PTPRM: variants seen among roughly 807,000 people sequenced by gnomAD.
The protein encoded by PTPRM is receptor-type tyrosine-protein phosphatase mu.
PTPRM carries 47 observed loss-of-function variants against 186.7 expected under a neutral mutation model. That is an observed-to-expected ratio of 0.25 (90% CI 0.20 to 0.32). The LOEUF is 0.32. Ranked by LOEUF, PTPRM falls within the 10% of genes least tolerant of loss-of-function variation. The pLI is 1.00. For missense variants in PTPRM, 1,494 were observed against 1,865.0 expected (o/e 0.80, Z 3.66); for synonymous variants, 668 against 674.9 (o/e 0.99, Z 0.16).
intron 23 of PTPRM, among the ~76,000 whole-genome samples, chr18:8,344,448 G>GTGTGTGTGTATATATATATATATATATA (rs1360655194): frequency 3.0e-5 from 1 of 33,418 alleles, no homozygotes; most frequent in African/African-American, 7.5e-5. Flanking sequence ...GTGTGTGTGT[G>GTGTGTGTGTATATATATATATATATATA]TATATATATA....
chr18:8,192,618 C>T (rs978629680), intron 14 of PTPRM, among the ~76,000 whole-genome samples: 1 of 151,936 alleles, frequency 6.6e-6, no homozygotes, highest in Non-Finnish European at 1.5e-5. Flanking sequence ...ATCAAAAATA[C>T]TGAAAATAAA....
intron 29 of PTPRM, among the ~76,000 whole-genome samples, chr18:8,382,457 A>G (rs2095743106): frequency 6.6e-6 from 1 of 152,330 alleles, no homozygotes; most frequent in African/African-American, 2.4e-5. Context: ...CATAATGCCT[A>G]TTAATTTCAA....
intron 1 of PTPRM, among the ~76,000 whole-genome samples, chr18:7,644,651 T>TA (rs1169592573): frequency 2.6e-5 from 4 of 151,812 alleles, no homozygotes; most frequent in African/African-American, 7.3e-5. Flanking sequence ...AGTGAGCTAT[T>TA]AAAAAAATGC....
In PTPRM at chr18:8,156,196, C is replaced by T. The variant is rs111486434; in HGVS notation, c.2300+12417C>T. ...GCTGGACTTTATATGATTACTGTAA[C>T]AGTTCCTAAAGTAACCCCTATTTCT... On this transcript the variant is annotated intron_variant, in intron 14 of 32. Transcript: ENST00000580170. Among the ~76,000 whole-genome samples the T allele has an allele frequency of 1.1e-3, 165 of 152,264 alleles. 1 individual carries two copies. The highest frequency in any genetic ancestry group is 3.9e-3 in the African/African-American group (161 of 41,562).
chr18:8,144,231 A>G (rs1287128571), intron 14 of PTPRM, among the ~76,000 whole-genome samples: 1 of 152,234 alleles, frequency 6.6e-6, no homozygotes, highest in Non-Finnish European at 1.5e-5. Flanking sequence ...GAAGGTCATC[A>G]GCACAACATC....
At chr18:7,753,359 A>G (rs1333801824) in intron 1 of PTPRM, among the ~76,000 whole-genome samples, 1 of 152,146 alleles carries the variant, frequency 6.6e-6, no homozygotes, top group Admixed American at 6.5e-5. Context: ...TTTATTTTCT[A>G]CATTTTAAGA....
chr18:7,974,522 CT>C (rs948031365), intron 7 of PTPRM, among the ~76,000 whole-genome samples: 5 of 152,158 alleles, frequency 3.3e-5, no homozygotes, highest in Admixed American at 2.0e-4. Flanking sequence ...ATAAATGCCC[CT>C]ATAGGCTAAC....
At chr18:7,685,724 TTTTG>T (rs1416520190) in intron 1 of PTPRM, among the ~76,000 whole-genome samples, 2 of 152,182 alleles carry the variant, frequency 1.3e-5, no homozygotes, top group Non-Finnish European at 2.9e-5. Flanking sequence ...TTGGTTTTTT[TTTTG>T]TTTGTTTGTT....
At chr18:7,689,468 C>T (rs1444227342) in intron 1 of PTPRM, among the ~76,000 whole-genome samples, 1 of 152,216 alleles carries the variant, frequency 6.6e-6, no homozygotes, top group South Asian at 2.1e-4. Context: ...AGATGTTGAT[C>T]TCCTCATACT....
chr18:7,628,248 G>A (rs2038107696), intron 1 of PTPRM, among the ~76,000 whole-genome samples: 1 of 152,062 alleles, frequency 6.6e-6, no homozygotes, highest in Non-Finnish European at 1.5e-5. Context: ...ATTTTTAAAA[G>A]CATTTGAAGC....
intron 2 of PTPRM, among the ~76,000 whole-genome samples, chr18:7,859,366 C>T (rs1461209835): frequency 6.6e-6 from 1 of 152,216 alleles, no homozygotes; most frequent in African/African-American, 2.4e-5. Flanking sequence ...AGACACAGAG[C>T]TCAGATTTCT....
At chr18:7,877,514 C>G (rs2048305037) in intron 2 of PTPRM, among the ~76,000 whole-genome samples, 1 of 152,150 alleles carries the variant, frequency 6.6e-6, no homozygotes, top group South Asian at 2.1e-4. Context: ...AAACTGGGAC[C>G]AAGGTTGAAT....
chr18:8,088,359 A>G (rs1225816857), intron 10 of PTPRM, among the ~76,000 whole-genome samples: 1 of 152,246 alleles, frequency 6.6e-6, no homozygotes, highest in East Asian at 1.9e-4. Context: ...TTTCCTAAAT[A>G]TGCCTTTAGC....
At chr18:8,193,100 A>C (rs2146730536) in intron 14 of PTPRM, among the ~76,000 whole-genome samples, 1 of 152,336 alleles carries the variant, frequency 6.6e-6, no homozygotes, top group East Asian at 1.9e-4. Context: ...TAGGAGATCC[A>C]TGCTGAAGTC....
At chr18:7,579,971 A>G (rs572579115) in intron 1 of PTPRM, among the ~76,000 whole-genome samples, 2 of 152,202 alleles carry the variant, frequency 1.3e-5, no homozygotes, top group Admixed American at 6.5e-5. Context: ...AATTTCCACT[A>G]GCTCATCATT....
intron 14 of PTPRM, among the ~76,000 whole-genome samples, chr18:8,165,338 T>G (rs2093306554): frequency 1.3e-5 from 2 of 152,102 alleles, no homozygotes; most frequent in Admixed American, 1.3e-4. Context: ...TGTTTCCCTT[T>G]TAGACTGTTA....
chr18:7,911,912 C>T (rs1183035811), intron 4 of PTPRM, among the ~76,000 whole-genome samples: 1 of 127,760 alleles, frequency 7.8e-6, no homozygotes, highest in Non-Finnish European at 1.5e-5. Context: ...GAGTGCAGTG[C>T]TGTGATCTCG....
rs759994843 is a variant in PTPRM, at chr18:8,296,332, G to A, written c.2755-36G>A. ...TCGTTAAGATCCCTCTGTTTACTGC[G>A]CCAAATTGTAATTCTCAGTCTCACT... On this transcript the variant is annotated intron_variant, in intron 19 of 32. Transcript: ENST00000580170. The A allele has an allele frequency of 9.4e-6, 13 of 1,382,712 alleles. No homozygotes were observed. The East Asian group carries it at 1.4e-4, about 15-fold the overall frequency. 85.7% of individuals were successfully genotyped at this position (1,382,712 alleles called of 1,614,324 possible).
intron 14 of PTPRM, among the ~76,000 whole-genome samples, chr18:8,201,309 C>G (rs1477246609): frequency 2.0e-5 from 3 of 152,200 alleles, no homozygotes; most frequent in African/African-American, 7.2e-5. Context: ...GAGCAAGACT[C>G]CGTCTCCAAA....
Sources: allele counts gnomAD v4.1 joint callset (sites outside exome capture counted in the v4.1 genomes callset), GRCh38; gene constraint gnomAD v4.1.1; transcripts MANE v1.5; gene names NCBI Gene and HGNC (gene_info 2026-07-23, HGNC 2026-07-21).